Variants in CALD1 observed in about 807,000 individuals in gnomAD.
CALD1 encodes caldesmon.
A neutral mutation model predicts 99.9 loss-of-function variants in CALD1; 33 were observed. The ratio of observed to expected loss-of-function variants is 0.33; its 90% CI spans 0.25 to 0.44. The LOEUF (loss-of-function observed/expected upper bound fraction) is 0.44, where lower values mean the gene tolerates loss of function less well. Ranked by LOEUF, CALD1 falls within the 20% of genes least tolerant of loss-of-function variation. The pLI, the probability that CALD1 is intolerant of heterozygous loss-of-function variation, is 1.00. For synonymous variants in CALD1, 310 were observed against 325.0 expected, an observed-to-expected ratio of 0.95 and a Z score of 0.50; for missense variants, 861 against 962.1, an observed-to-expected ratio of 0.89 and a Z score of 1.39.
chr7:134,809,634 T>TTG (rs1190512066), intron 1 of CALD1: 30 of 152,220 alleles, frequency 2.0e-4, no homozygotes, highest in Non-Finnish European at 1.5e-4. Context: ...CAAGGTATAA[T>TTG]TGTGTATGTT....
At chr7:134,827,286 G>A (rs1021847700) in intron 1 of CALD1, among the ~76,000 whole-genome samples, 1 of 152,154 alleles carries the variant, frequency 6.6e-6, no homozygotes, top group Non-Finnish European at 1.5e-5. Context: ...ACAATGTCAG[G>A]AGCCAATGGG....
chr7:134,831,555 G>A (rs1343169893), intron 1 of CALD1, among the ~76,000 whole-genome samples: 1 of 152,052 alleles, frequency 6.6e-6, no homozygotes, highest in East Asian at 1.9e-4. Context: ...TCCTGACCTC[G>A]TGATCTGCCC....
At chr7:134,792,319 C>T (rs960971994) in intron 1 of CALD1, among the ~76,000 whole-genome samples, 10 of 113,952 alleles carry the variant, frequency 8.8e-5, no homozygotes, top group South Asian at 2.7e-4. Context: ...GATGGAGTTT[C>T]GCTCTTATTG....
At chr7:134,724,062 C>A in the CALD1 span, among the ~76,000 whole-genome samples, 1 of 152,330 alleles carries the variant, frequency 6.6e-6, no homozygotes, top group Non-Finnish European at 1.5e-5. Context: ...TGCTATGCGG[C>A]AGCAGGAGAA....
chr7:134,944,507 T>C (rs1366041814), intron 7 of CALD1: 1 of 151,558 alleles, frequency 6.6e-6, no homozygotes, highest in African/African-American at 2.4e-5. Context: ...TACTTCAGTG[T>C]TTAAAAAGCA....
At chr7:134,867,903 C>G in intron 3 of CALD1, 99 bp downstream of exon 3, 1 of 593,266 alleles carries the variant, frequency 1.7e-6, no homozygotes, top group Non-Finnish European at 2.9e-6. Context: ...GTGGTCATAT[C>G]GCACACCAAA....
chr7:134,933,461 G>C lies in CALD1; in HGVS notation c.692G>C (p.Gly231Ala), dbSNP rs1469699432. The C allele has an allele frequency of 6.2e-7, 1 of 1,613,814 alleles. No individual in the cohort carries two copies. The highest frequency in any genetic ancestry group is 1.7e-5 in the Admixed American group (1 of 59,978). ...ACAGTGGTAATGTCATTAAAAAATG[G>C]GCAGATCAGTTCAGAAGAGCCTAAA... ...EETVVMSLKN[G>A]QISSEEPKQE... The change falls in exon 5 of 15, where the codon GGG (glycine) becomes GCG (alanine). Residue 231 changes from glycine to alanine, a missense_variant. Gly to Ala is a moderately conservative substitution (Grantham distance 60). Around this residue, in one of 5 missense-constraint regions of CALD1, gnomAD observed 234 missense variants for 233.1 expected, o/e 1.00. Coordinates refer to ENST00000361675, the MANE Select transcript of CALD1 (RefSeq NM_033138.4).
intron 1 of CALD1, among the ~76,000 whole-genome samples, chr7:134,822,688 A>G (rs534543512): frequency 1.3e-5 from 2 of 152,322 alleles, no homozygotes; most frequent in Non-Finnish European, 2.9e-5. Flanking sequence ...TTAAATTTCT[A>G]AAACCTCTCA....
chr7:134,944,018 T>G (rs765838718), intron 7 of CALD1, among the ~76,000 whole-genome samples: 71 of 152,324 alleles, frequency 4.7e-4, no homozygotes, highest in East Asian at 3.9e-4. Flanking sequence ...GATGTTTCTA[T>G]AGGCATGTGT....
At chr7:134,858,657 C>A (rs181816798) in intron 2 of CALD1, among the ~76,000 whole-genome samples, 1 of 152,140 alleles carries the variant, frequency 6.6e-6, no homozygotes, top group African/African-American at 2.4e-5. Flanking sequence ...GCAACCTCCA[C>A]CTCCCAGGTT....
intron 13 of CALD1, chr7:134,961,386 T>C (rs1302685123): frequency 1.3e-5 from 2 of 152,244 alleles, no homozygotes; most frequent in Admixed American, 6.5e-5. Flanking sequence ...ATAGCTTTGT[T>C]GGTGCCCAAG....
intron 1 of CALD1, among the ~76,000 whole-genome samples, chr7:134,797,775 A>T (rs1027715268): frequency 1.7e-4 from 26 of 152,118 alleles, no homozygotes; most frequent in African/African-American, 5.8e-4. Flanking sequence ...TATTTTTAGT[A>T]GAGACGGGGT....
intron 3 of CALD1, among the ~76,000 whole-genome samples, chr7:134,887,496 A>G (rs1801911546): frequency 6.6e-6 from 1 of 152,222 alleles, no homozygotes; most frequent in East Asian, 1.9e-4. Context: ...TCCCCTTTGT[A>G]CTACTCGAAC....
chr7:134,779,170 C>A (rs904489597), upstream of CALD1, among the ~76,000 whole-genome samples: 7 of 152,170 alleles, frequency 4.6e-5, no homozygotes, highest in African/African-American at 1.7e-4. Context: ...AAGCCTTCCC[C>A]ACCCCCACGC....
chr7:134,932,038 G>A (rs1333307642), intron 4 of CALD1, among the ~76,000 whole-genome samples: 1 of 152,136 alleles, frequency 6.6e-6, no homozygotes, highest in Non-Finnish European at 1.5e-5. Flanking sequence ...CTAGGGCTTG[G>A]TGCTCCCTGA....
At chr7:134,841,374 G>A (rs894436940) in intron 1 of CALD1, among the ~76,000 whole-genome samples, 3 of 152,052 alleles carry the variant, frequency 2.0e-5, no homozygotes, top group Non-Finnish European at 2.9e-5. Flanking sequence ...AAAACCCATC[G>A]ATCTATTTTT....
chr7:134,918,877 TC>T (rs1804413515), intron 3 of CALD1, among the ~76,000 whole-genome samples: 1 of 152,128 alleles, frequency 6.6e-6, no homozygotes, highest in African/African-American at 2.4e-5. Context: ...ACACCTGTAG[TC>T]CCAGCTACTC....
intron 5 of CALD1, 95 bp from the exon 6 acceptor site, chr7:134,935,593 A>G: frequency 2.0e-6 from 3 of 1,507,924 alleles, no homozygotes; most frequent in South Asian, 1.3e-5. Context: ...CATCCCACGC[A>G]GCACTTGCAA....
intron 1 of CALD1, among the ~76,000 whole-genome samples, chr7:134,813,908 T>C (rs1392101627): frequency 6.6e-6 from 1 of 152,112 alleles, no homozygotes; most frequent in Non-Finnish European, 1.5e-5. Context: ...GGTGGGTGGC[T>C]GAGGCATGTG....
Sources: gnomAD v4.1 joint callset for allele counts (sites outside exome capture counted in the v4.1 genomes callset) on GRCh38, gnomAD v4.1.1 for gene constraint, gnomAD v4.1.1 regional missense constraint, MANE v1.5 for transcripts, NCBI Gene and HGNC (gene_info 2026-07-23, HGNC 2026-07-21) for gene names.